PXK: variants seen among roughly 807,000 people sequenced by gnomAD.
PXK encodes PX domain-containing protein kinase-like protein.
A neutral mutation model predicts 84.7 loss-of-function variants in PXK; 35 were observed. The ratio of observed to expected loss-of-function variants is 0.41; its 90% CI spans 0.32 to 0.55. The LOEUF is 0.55. Among genes scored for constraint, PXK ranks in the 20% least tolerant of loss-of-function variants. The pLI is 0.21. For synonymous variants in PXK, 253 were observed against 260.8 expected, an observed-to-expected ratio of 0.97 and a Z score of 0.29; for missense variants, 634 against 699.7, an observed-to-expected ratio of 0.91 and a Z score of 1.06.
intron 17 of PXK, chr3:58,413,206 T>A (rs1222406140): frequency 1.8e-6 from 1 of 559,890 alleles, no homozygotes; most frequent in East Asian, 3.1e-5. Context: ...GGGCTCCAGC[T>A]TGCTGTCTTT....
In PXK at chr3:58,385,828, T is replaced by A. The variant is rs114668787; in HGVS notation, c.388+3128T>A. 8.3e-3 allele frequency among the ~76,000 whole-genome samples: 1,270 copies of A among 152,294 alleles called. 21 individuals carry two copies. The highest frequency in any genetic ancestry group is 0.029 in the African/African-American group (1,216 of 41,562). On this transcript the variant is annotated intron_variant, in intron 4 of 17. Transcript: ENST00000356151. The surrounding 1 kb of genome is among the most constrained non-coding windows in gnomAD (Gnocchi z 5.1). Reference sequence around the variant, plus strand: ...TTTCCCTTTTAATGTGGATAATGTCTCCACCTCTTCTCATTTTCCACATGG... The same window carrying A: ...TTTCCCTTTTAATGTGGATAATGTCACCACCTCTTCTCATTTTCCACATGG...
intron 17 of PXK, among the ~76,000 whole-genome samples, chr3:58,415,543 A>T (rs551405832): frequency 5.3e-5 from 8 of 152,256 alleles, no homozygotes; most frequent in Non-Finnish European, 1.2e-4. Context: ...CCGCATGTTC[A>T]GCTATCAGGA....
intron 1 of PXK, among the ~76,000 whole-genome samples, chr3:58,355,341 G>A (rs900343135): frequency 1.3e-5 from 2 of 152,124 alleles, no homozygotes; most frequent in Admixed American, 6.5e-5. Context: ...AACAGCTGCT[G>A]GTGTCTTTTT....
intron 1 of PXK, among the ~76,000 whole-genome samples, chr3:58,356,827 C>G (rs1251132925): frequency 1.3e-5 from 2 of 150,726 alleles, no homozygotes; most frequent in Non-Finnish European, 1.5e-5. Context: ...TGGTCTTGAA[C>G]GCCTGACCTT....
chr3:58,390,765 CTTCTT>C lies in PXK; in HGVS notation c.466+109_466+113del, dbSNP rs2098621674. 3 of 1,062,142 alleles carry C rather than the reference CTTCTT, an allele frequency of 2.8e-6. No individual in the cohort carries two copies. Among genetic ancestry groups the C allele is most frequent in the Non-Finnish European group, 4.1e-6 (3 of 739,878 alleles). 65.8% of individuals were successfully genotyped at this position (1,062,142 alleles called of 1,614,324 possible). A position where few individuals can be genotyped will look rare whatever the true frequency, so the allele number is the denominator to read the frequency against. On this transcript the variant is annotated intron_variant, in intron 5 of 17. Coordinates refer to ENST00000356151, the MANE Select transcript of PXK (RefSeq NM_017771.5). This position sits in a 1 kb window ranked among gnomAD's most constrained non-coding sequence, Gnocchi z 4.2. ...CAGGAACATGCTTAAATGCAGGTGA[CTTCTT>C]TTTCTTTTTGCATATCAACTGCTTG...
intron 1 of PXK, among the ~76,000 whole-genome samples, chr3:58,357,462 C>G (rs1306650656): frequency 6.6e-6 from 1 of 152,066 alleles, no homozygotes; most frequent in East Asian, 1.9e-4. Context: ...CCTGAAGGAC[C>G]TGTCTGAGGC....
Position 58,383,335 on chromosome 3 carries a change from A to G in PXK, c.388+635A>G, listed in dbSNP as rs957622386. 6.6e-6 allele frequency among the ~76,000 whole-genome samples: 1 copy of G among 152,200 alleles called. No individual in the cohort carries two copies. The highest frequency in any genetic ancestry group is 2.4e-5 in the African/African-American group (1 of 41,448). Reference sequence around the variant, plus strand: ...ATAATTAATCCACAATAACGCATACAGTAATTTTTATATTACTTTTGACCT... The same window carrying G: ...ATAATTAATCCACAATAACGCATACGGTAATTTTTATATTACTTTTGACCT... On this transcript the variant is annotated intron_variant, in intron 4 of 17. Coordinates refer to ENST00000356151, the MANE Select transcript of PXK (RefSeq NM_017771.5). The surrounding 1 kb of genome is among the most constrained non-coding windows in gnomAD (Gnocchi z 4.0).
At position 58,400,548 on chromosome 3, in the gene PXK, G is replaced by A. The variant is rs190325652; in HGVS notation, c.1181+1171G>A. 1.1e-4 allele frequency among the ~76,000 whole-genome samples: 17 copies of A among 152,308 alleles called. No homozygotes were observed. In the East Asian group the frequency reaches 1.3e-3, roughly 12 times the overall value. Reference sequence around the variant, plus strand: ...AAAGAGGAAACCAAGCCCCTGCCCCGTGGATGTGACATTCTACTGTTCCAC... The same window carrying A: ...AAAGAGGAAACCAAGCCCCTGCCCCATGGATGTGACATTCTACTGTTCCAC... On this transcript the variant is annotated intron_variant, in intron 12 of 17. Transcript: ENST00000356151. This position sits in a 1 kb window ranked among gnomAD's most constrained non-coding sequence, Gnocchi z 4.0.
chr3:58,382,244 A>G, intron 3 of PXK, among the ~76,000 whole-genome samples: 1 of 152,164 alleles, frequency 6.6e-6, no homozygotes, highest in African/African-American at 2.4e-5. Flanking sequence ...TGAAGTCAGG[A>G]GGTGGAGGTT....
chr3:58,351,615 A>G (rs988387089), intron 1 of PXK, among the ~76,000 whole-genome samples: 3 of 152,116 alleles, frequency 2.0e-5, no homozygotes, highest in African/African-American at 4.8e-5. Context: ...GCAAACTGAG[A>G]AACTTTTCCA....
intron 13 of PXK, among the ~76,000 whole-genome samples, chr3:58,406,699 A>C (rs2059462938): frequency 6.6e-6 from 1 of 152,026 alleles, no homozygotes; most frequent in African/African-American, 2.4e-5. Context: ...ACAACCTGAA[A>C]CTCTATACCC....
Position 58,414,971 on chromosome 3 carries a change from G to A in PXK, c.1528+2008G>A, listed in dbSNP as rs2060744639. On this transcript the variant is annotated intron_variant, in intron 17 of 17. Transcript: ENST00000356151. This position sits in a 1 kb window ranked among gnomAD's most constrained non-coding sequence, Gnocchi z 4.5. ...TTGCTAAGGACTGTGCTTGGCCCTG[G>A]GTTACAGAAATGGCTAGACAAGGCC... Among the ~76,000 whole-genome samples the A allele has an allele frequency of 1.3e-5, 2 of 152,128 alleles. No individual in the cohort carries two copies. The highest frequency in any genetic ancestry group is 4.2e-4 in the South Asian group (2 of 4,814).
At chr3:58,345,584 C>A (rs373999215) in intron 1 of PXK, among the ~76,000 whole-genome samples, 8 of 152,198 alleles carry the variant, frequency 5.3e-5, no homozygotes, top group African/African-American at 1.9e-4. Flanking sequence ...ATTTAGTCAG[C>A]GGTTTATTAT....
intron 17 of PXK, among the ~76,000 whole-genome samples, chr3:58,418,259 T>C (rs1560142665): frequency 6.6e-6 from 1 of 152,224 alleles, no homozygotes; most frequent in Non-Finnish European, 1.5e-5. Context: ...TTATGGTCAC[T>C]TGTTTCAGTT....
intron 1 of PXK, among the ~76,000 whole-genome samples, chr3:58,336,405 C>T (rs961365274): frequency 7.9e-5 from 12 of 152,116 alleles, no homozygotes; most frequent in African/African-American, 2.9e-4. Context: ...GCTGATGCAT[C>T]ATTTTTATGG....
chr3:58,333,600 C>T lies in PXK; in HGVS notation c.102+510C>T, dbSNP rs1260322675. ...TGTTGGGACAGCAGAGTGTAAGTGG[C>T]TGGGGTCTGCAGCCCCGTTTCCAGG... On this transcript the variant is annotated intron_variant, in intron 1 of 17. Coordinates refer to ENST00000356151, the MANE Select transcript of PXK (RefSeq NM_017771.5). The surrounding 1 kb of genome is among the most constrained non-coding windows in gnomAD (Gnocchi z 5.4). The T allele has an allele frequency of 4.4e-6, 2 of 456,532 alleles. No individual in the cohort carries two copies. Among genetic ancestry groups the T allele is most frequent in the African/African-American group, 2.0e-5 (1 of 50,044 alleles). 28.3% of individuals were successfully genotyped at this position (456,532 alleles called of 1,614,324 possible).
rs766038838 is a variant in PXK at position 58,414,351 on chromosome 3, T to C, written c.1528+1388T>C. ...GGTTCACAGCCCCTGTCTGTGTGGT[T>C]AGATCTGCCCCTGCTCACTTGACTG... is the stretch of plus-strand genomic sequence containing the variant. On this transcript the variant is annotated intron_variant, in intron 17 of 17. Transcript: ENST00000356151. This position sits in a 1 kb window ranked among gnomAD's most constrained non-coding sequence, Gnocchi z 4.5. 3 of 152,266 alleles carry C rather than the reference T, an allele frequency of 2.0e-5. No homozygotes were observed. The highest frequency in any genetic ancestry group is 2.9e-5 in the Non-Finnish European group (2 of 68,028). 9.4% of individuals were successfully genotyped at this position (152,266 alleles called of 1,614,324 possible).
At chr3:58,413,111 T>A in intron 17 of PXK, 148 bp downstream of exon 17, 1 of 841,742 alleles carries the variant, frequency 1.2e-6, no homozygotes, top group Non-Finnish European at 1.9e-6. Flanking sequence ...AAATTAGCAG[T>A]GTCATTTGGG....
intron 1 of PXK, among the ~76,000 whole-genome samples, chr3:58,345,116 G>A (rs1313802279): frequency 6.6e-6 from 1 of 152,118 alleles, no homozygotes; most frequent in Non-Finnish European, 1.5e-5. Context: ...AGTCAATATA[G>A]CAGCCACAAA....
Sources: gnomAD v4.1 joint callset for allele counts (sites outside exome capture counted in the v4.1 genomes callset) on GRCh38, gnomAD v4.1.1 for gene constraint, Gnocchi (gnomAD v3.1) non-coding constraint, MANE v1.5 for transcripts, NCBI Gene and HGNC (gene_info 2026-07-23, HGNC 2026-07-21) for gene names.